Variants in OPCML observed in about 807,000 individuals in gnomAD.
OPCML encodes opioid binding protein/cell adhesion molecule like.
In OPCML, 13 loss-of-function variants were observed where a neutral mutation model predicts 37.8. That is an observed-to-expected ratio of 0.34 (90% CI 0.22 to 0.55). OPCML has a LOEUF of 0.55. OPCML is among the 20% of genes least tolerant of loss of function. The pLI is 0.91. For synonymous variants in OPCML, 176 were observed against 168.8 expected (o/e 1.04, Z -0.33); for missense variants, 341 against 435.6 (o/e 0.78, Z 1.93).
intron 3 of OPCML, among the ~76,000 whole-genome samples, chr11:132,584,646 C>G (rs997180404): frequency 6.6e-6 from 1 of 152,210 alleles, no homozygotes; most frequent in Non-Finnish European, 1.5e-5. Context: ...ACTGGGCTCC[C>G]TGATAAGAGT....
At chr11:133,412,808 CTCT>C (rs1344911112) in intron 1 of OPCML, among the ~76,000 whole-genome samples, 1 of 152,168 alleles carries the variant, frequency 6.6e-6, no homozygotes, top group Non-Finnish European at 1.5e-5. Context: ...TCTGAGAAGT[CTCT>C]TTTTTGAGTG....
At chr11:132,829,360 C>T (rs971418043) in intron 2 of OPCML, among the ~76,000 whole-genome samples, 1 of 152,094 alleles carries the variant, frequency 6.6e-6, no homozygotes, top group Non-Finnish European at 1.5e-5. Context: ...GAGATAGAGA[C>T]CATTATTTCT....
At chr11:132,697,742 A>C (rs1241328697) in intron 2 of OPCML, among the ~76,000 whole-genome samples, 1 of 151,994 alleles carries the variant, frequency 6.6e-6, no homozygotes, top group Non-Finnish European at 1.5e-5. Context: ...GGCAGTGCAT[A>C]TATCTCTTCA....
At chr11:132,712,977 G>A (rs534856573) in intron 2 of OPCML, among the ~76,000 whole-genome samples, 33 of 152,324 alleles carry the variant, frequency 2.2e-4, no homozygotes, top group African/African-American at 7.5e-4. Context: ...TTTACACAAA[G>A]TTGACCTCTG....
chr11:132,436,056 G>T (rs1367589908), intron 7 of OPCML, 30 bp downstream of exon 7: 45 of 1,602,568 alleles, frequency 2.8e-5, no homozygotes, highest in Non-Finnish European at 3.6e-5. Flanking sequence ...ATGTGGCTGA[G>T]CCCACTGCAT....
At chr11:133,302,561 C>T (rs558214689) in intron 1 of OPCML, 4 of 152,184 alleles carry the variant, frequency 2.6e-5, no homozygotes, top group Admixed American at 1.3e-4. Flanking sequence ...TTCACACTGG[C>T]ATTCAAAGGG....
chr11:133,122,767 C>G (rs1949441499), intron 1 of OPCML, among the ~76,000 whole-genome samples: 3 of 152,172 alleles, frequency 2.0e-5, no homozygotes, highest in Admixed American at 6.5e-5. Context: ...TCCACCTCAA[C>G]TAGAAAATTC....
intron 3 of OPCML, among the ~76,000 whole-genome samples, chr11:132,546,921 C>T (rs1443419651): frequency 6.6e-6 from 1 of 152,218 alleles, no homozygotes; most frequent in Non-Finnish European, 1.5e-5. Flanking sequence ...AAAGGAAAGC[C>T]TGTGTGGCCC....
At chr11:132,897,566 G>A (rs929661906) in intron 2 of OPCML, among the ~76,000 whole-genome samples, 8 of 152,138 alleles carry the variant, frequency 5.3e-5, no homozygotes, top group Non-Finnish European at 7.3e-5. Context: ...ATGATCAGCC[G>A]ACAGAGGAAG....
chr11:132,515,176 T>C (rs2096277001), intron 4 of OPCML, among the ~76,000 whole-genome samples: 1 of 152,038 alleles, frequency 6.6e-6, no homozygotes, highest in Non-Finnish European at 1.5e-5. Flanking sequence ...GGAAGCAAAA[T>C]CATCTAAGGT....
intron 1 of OPCML, among the ~76,000 whole-genome samples, chr11:133,084,981 T>C (rs904891743): frequency 6.6e-6 from 1 of 152,206 alleles, no homozygotes; most frequent in Non-Finnish European, 1.5e-5. Context: ...GATTAAACCA[T>C]GTATTATGTC....
rs1939368028 is a variant in OPCML, at chr11:133,211,716, G to C, written c.62-268706C>G. Among the ~76,000 whole-genome samples the C allele has an allele frequency of 6.6e-6, 1 of 152,174 alleles. No homozygotes were observed. The highest frequency in any genetic ancestry group is 1.5e-5 in the Non-Finnish European group (1 of 68,034). On this transcript the variant is annotated intron_variant, in intron 1 of 7. Transcript: ENST00000524381. The surrounding 1 kb of genome is among the most constrained non-coding windows in gnomAD (Gnocchi z 4.1). ...GCTTTGTGGCAACACAGACTGTGTG[G>C]ACTAAATCATCGTGAGCATCATCAT... is the stretch of plus-strand genomic sequence containing the variant.
chr11:133,188,036 C>T (rs1938161954), intron 1 of OPCML, among the ~76,000 whole-genome samples: 1 of 152,176 alleles, frequency 6.6e-6, no homozygotes, highest in African/African-American at 2.4e-5. Flanking sequence ...AGCCTTCTGT[C>T]CAAGCCAAAG....
intron 1 of OPCML, among the ~76,000 whole-genome samples, chr11:133,084,062 CTT>C (rs1948782003): frequency 6.6e-6 from 1 of 152,014 alleles, no homozygotes; most frequent in South Asian, 2.1e-4. Context: ...AGAGACCTCT[CTT>C]GACATTTTTT....
intron 4 of OPCML, among the ~76,000 whole-genome samples, chr11:132,442,453 C>A (rs1388354314): frequency 6.6e-6 from 1 of 152,150 alleles, no homozygotes. Context: ...TCAGCCAATT[C>A]CTTAGAGTTA....
intron 1 of OPCML, among the ~76,000 whole-genome samples, chr11:133,196,135 A>T (rs1261835832): frequency 6.6e-6 from 1 of 152,230 alleles, no homozygotes; most frequent in South Asian, 2.1e-4. Flanking sequence ...CAGTGAAAAT[A>T]AATGTAGGAG....
intron 2 of OPCML, among the ~76,000 whole-genome samples, chr11:132,868,296 ATTTT>A (rs67534174): frequency 0.016 from 1,267 of 77,488 alleles, 29 homozygotes; most frequent in African/African-American, 0.061. Flanking sequence ...TGAGGCTGTG[ATTTT>A]TTTTTTTTTT....
At chr11:133,117,393 A>T (rs79483183) in intron 1 of OPCML, among the ~76,000 whole-genome samples, 3 of 152,066 alleles carry the variant, frequency 2.0e-5, no homozygotes, top group Non-Finnish European at 4.4e-5. Flanking sequence ...GATGGACCAG[A>T]GCTTTCGGGG....
chr11:132,828,943 G>A (rs1940526368), intron 2 of OPCML, among the ~76,000 whole-genome samples: 1 of 152,194 alleles, frequency 6.6e-6, no homozygotes, highest in Non-Finnish European at 1.5e-5. Context: ...CAGCAGCCTT[G>A]TGAAGAGTAT....
Sources: allele counts gnomAD v4.1 joint callset (sites outside exome capture counted in the v4.1 genomes callset), GRCh38; gene constraint gnomAD v4.1.1; non-coding constraint Gnocchi (gnomAD v3.1); transcripts MANE v1.5; gene names NCBI Gene and HGNC (gene_info 2026-07-23, HGNC 2026-07-21).